RANBP2: variants seen among roughly 807,000 people sequenced by gnomAD.
RANBP2 encodes the protein E3 SUMO-protein ligase RanBP2.
In RANBP2, 57 loss-of-function variants were observed where a neutral mutation model predicts 303.6. The ratio of observed to expected loss-of-function variants is 0.19; its 90% confidence interval spans 0.15 to 0.23. The LOEUF (loss-of-function observed/expected upper bound fraction) is 0.23. RANBP2 is among the 10% of genes least tolerant of loss of function. The pLI, the probability that RANBP2 is intolerant of heterozygous loss-of-function variation, is 1.00. For synonymous variants in RANBP2, 1,167 were observed against 1,301.5 expected, an observed-to-expected ratio of 0.90 and a Z score of 2.23; for missense variants, 3,138 against 3,780.8, an observed-to-expected ratio of 0.83 and a Z score of 4.46.
At chr2:109,627,593 G>A in the RANBP2 span, among the ~76,000 whole-genome samples, 1 of 152,236 alleles carries the variant, frequency 6.6e-6, no homozygotes, top group East Asian at 1.9e-4. Context: ...ACACATCTGT[G>A]TAACCAGCAC....
At chr2:109,477,782 C>T in the RANBP2 span, among the ~76,000 whole-genome samples, 2 of 152,176 alleles carry the variant, frequency 1.3e-5, no homozygotes, top group African/African-American at 4.8e-5. Flanking sequence ...CGTGTCCTCA[C>T]GTGGTCAATA....
the RANBP2 span, among the ~76,000 whole-genome samples, chr2:109,191,608 A>G: frequency 6.6e-6 from 1 of 152,168 alleles, no homozygotes; most frequent in African/African-American, 2.4e-5. Flanking sequence ...ACCCTTTCAC[A>G]TGAAGAAAGT....
the RANBP2 span, among the ~76,000 whole-genome samples, chr2:109,558,828 C>T: frequency 6.6e-6 from 1 of 152,022 alleles, no homozygotes; most frequent in African/African-American, 2.4e-5. Context: ...TTTTACATGC[C>T]AACCAAATTA....
chr2:109,279,869 A>T, the RANBP2 span, among the ~76,000 whole-genome samples: 1 of 151,310 alleles, frequency 6.6e-6, no homozygotes, highest in Non-Finnish European at 1.5e-5. Flanking sequence ...GGCTTAGGGT[A>T]TGGGCCCCTG....
At chr2:108,871,995 C>A in the RANBP2 span, among the ~76,000 whole-genome samples, 1 of 152,060 alleles carries the variant, frequency 6.6e-6, no homozygotes, top group Non-Finnish European at 1.5e-5. Context: ...TTTTAATTCC[C>A]CTCTCTCACA....
the RANBP2 span, among the ~76,000 whole-genome samples, chr2:108,964,816 T>C: frequency 6.6e-6 from 1 of 152,118 alleles, no homozygotes; most frequent in South Asian, 2.1e-4. Flanking sequence ...TCAGAAGACC[T>C]TCCAGAGAGC....
chr2:109,495,507 T>C, the RANBP2 span, among the ~76,000 whole-genome samples: 1 of 90,852 alleles, frequency 1.1e-5, no homozygotes, highest in Non-Finnish European at 2.0e-5. Context: ...TTTTTTTTTT[T>C]TTGAGACAAA....
At chr2:109,225,444 C>G in the RANBP2 span, among the ~76,000 whole-genome samples, 2 of 152,204 alleles carry the variant, frequency 1.3e-5, no homozygotes, top group Non-Finnish European at 2.9e-5. Context: ...ACACAAACAA[C>G]TCCCTTTAAA....
At chr2:108,977,259 C>A in the RANBP2 span, among the ~76,000 whole-genome samples, 1 of 152,110 alleles carries the variant, frequency 6.6e-6, no homozygotes, top group Non-Finnish European at 1.5e-5. Context: ...CAGCTTGGCT[C>A]CTGAGAAGCT....
At chr2:108,829,533 G>A in the RANBP2 span, among the ~76,000 whole-genome samples, 286 of 152,326 alleles carry the variant, frequency 1.9e-3, 3 homozygotes, top group African/African-American at 6.7e-3. Context: ...GTCACTTGAG[G>A]TCAGGAGCTT....
the RANBP2 span, among the ~76,000 whole-genome samples, chr2:109,767,018 T>C: frequency 3.5e-5 from 5 of 141,840 alleles, no homozygotes; most frequent in Admixed American, 3.0e-4. Context: ...TGTTTGGCCC[T>C]GGGCAGCTCA....
At chr2:109,167,011 A>G in the RANBP2 span, among the ~76,000 whole-genome samples, 1 of 152,208 alleles carries the variant, frequency 6.6e-6, no homozygotes, top group Non-Finnish European at 1.5e-5. Flanking sequence ...GAGCAATGCT[A>G]AAAGAACAAT....
chr2:108,897,311 TA>T, the RANBP2 span: 1 of 1,343,482 alleles, frequency 7.4e-7, no homozygotes, highest in South Asian at 1.4e-5. Flanking sequence ...TTAAATGAAA[TA>T]AAAATTATTT....
At position 108,773,038 on chromosome 2, in the gene RANBP2, G is replaced by A; in HGVS notation, c.8284G>A (p.Glu2762Lys). Residue 2762 changes from glutamate (E) to lysine (K), a missense_variant, in exon 23 of 29, where the codon GAA (glutamate) becomes AAA (lysine). By Grantham distance (56) the Glu-to-Lys change is moderately conservative (BLOSUM62 1). Around this residue, in one of 20 missense-constraint regions of RANBP2, gnomAD observed 497 missense variants for 465.8 expected, o/e 1.07. Transcript: ENST00000283195. ...DFQSELQKVQ[E>K]AQKSQTEEIT... ...TCAATCAGAGCTTCAAAAAGTTCAG[G>A]AAGCTCAAGTAAGAACATCTCTAAT... 1 of 1,611,068 alleles carries A rather than the reference G, an allele frequency of 6.2e-7. No individual in the cohort carries two copies.
the RANBP2 span, among the ~76,000 whole-genome samples, chr2:109,205,516 C>T: frequency 1.1e-4 from 17 of 152,170 alleles, no homozygotes; most frequent in Admixed American, 4.6e-4. Flanking sequence ...TCCCAAAGTG[C>T]TGGGATTACA....
At chr2:109,355,287 C>A in the RANBP2 span, among the ~76,000 whole-genome samples, 1 of 152,186 alleles carries the variant, frequency 6.6e-6, no homozygotes, top group Admixed American at 6.5e-5. Context: ...TTCTTGAATG[C>A]TGGCATATTG....
At chr2:109,635,463 G>A in the RANBP2 span, among the ~76,000 whole-genome samples, 4 of 152,214 alleles carry the variant, frequency 2.6e-5, no homozygotes, top group African/African-American at 7.2e-5. Flanking sequence ...GATTACAGAT[G>A]TGAGCCACTG....
At chr2:109,120,105 C>T in the RANBP2 span, among the ~76,000 whole-genome samples, 1 of 152,242 alleles carries the variant, frequency 6.6e-6, no homozygotes, top group African/African-American at 2.4e-5. Flanking sequence ...GGCTCCAAGG[C>T]CATGCAGAGT....
chr2:108,858,368 AAC>A, the RANBP2 span, among the ~76,000 whole-genome samples: 1 of 152,144 alleles, frequency 6.6e-6, no homozygotes, highest in African/African-American at 2.4e-5. Context: ...AAACAAAAAA[AAC>A]ACCAACGCTG....
Sources: gnomAD v4.1 joint callset for allele counts (sites outside exome capture counted in the v4.1 genomes callset) on GRCh38, gnomAD v4.1.1 for gene constraint, gnomAD v4.1.1 regional missense constraint, MANE v1.5 for transcripts, NCBI Gene and HGNC (gene_info 2026-07-23, HGNC 2026-07-21) for gene names.